TEX14: variants seen among roughly 807,000 people sequenced by gnomAD.
TEX14 encodes the protein inactive serine/threonine-protein kinase TEX14.
TEX14 carries 168 observed loss-of-function variants against 178.6 expected under a neutral mutation model. The observed-to-expected ratio is 0.94, with a 90% CI of 0.83 to 1.07. The LOEUF (loss-of-function observed/expected upper bound fraction) is 1.07. Ranked by LOEUF, TEX14 falls within the 50% of genes least tolerant of loss-of-function variation. The pLI is 0.00. For missense variants in TEX14, 1,730 were observed against 1,753.6 expected (o/e 0.99, Z 0.24); for synonymous variants, 626 against 634.1 (o/e 0.99, Z 0.19).
intron 28 of TEX14, among the ~76,000 whole-genome samples, chr17:58,563,658 TAGAGAGAGAGAG>T (rs1180956521): frequency 9.2e-4 from 16 of 17,468 alleles, no homozygotes; most frequent in Admixed American, 3.0e-3. Flanking sequence ...TATATATATA[TAGAGAGAGAGAG>T]AGAGAGAGAG....
chr17:58,663,462 G>C (rs1289700460), intron 1 of TEX14, among the ~76,000 whole-genome samples: 1 of 149,520 alleles, frequency 6.7e-6, no homozygotes, highest in East Asian at 2.0e-4. Context: ...CAATGTAACT[G>C]AATCTAAATT....
intron 1 of TEX14, among the ~76,000 whole-genome samples, chr17:58,677,245 A>C (rs2047410714): frequency 6.6e-6 from 1 of 152,114 alleles, no homozygotes. Flanking sequence ...ATTGAGCACC[A>C]CTGTACTCCA....
At chr17:58,658,581 G>A (rs1320375716) in intron 1 of TEX14, among the ~76,000 whole-genome samples, 1 of 151,844 alleles carries the variant, frequency 6.6e-6, no homozygotes, top group Admixed American at 6.6e-5. Context: ...AGTAGAGACA[G>A]GGTTTCATCA....
At chr17:58,598,270 C>T (rs527620983) in intron 14 of TEX14, among the ~76,000 whole-genome samples, 21 of 150,158 alleles carry the variant, frequency 1.4e-4, no homozygotes, top group African/African-American at 4.4e-4. Context: ...GCCAAGATCA[C>T]GCCACTGCAC....
intron 2 of TEX14, among the ~76,000 whole-genome samples, chr17:58,634,671 A>G (rs943427717): frequency 2.6e-5 from 4 of 152,172 alleles, no homozygotes; most frequent in Non-Finnish European, 4.4e-5. Flanking sequence ...GAGAACAGTA[A>G]AAGGACAATT....
intron 5 of TEX14, among the ~76,000 whole-genome samples, chr17:58,619,503 G>A (rs537973175): frequency 5.3e-5 from 8 of 152,120 alleles, no homozygotes; most frequent in African/African-American, 1.7e-4. Flanking sequence ...AATTTGTGTG[G>A]TTTTTTACAT....
At chr17:58,628,795 G>A (rs1239192280) in intron 3 of TEX14, among the ~76,000 whole-genome samples, 3 of 151,722 alleles carry the variant, frequency 2.0e-5, no homozygotes, top group Admixed American at 6.6e-5. Flanking sequence ...TGAGGCAGAA[G>A]AATCACTTGA....
At chr17:58,634,543 C>T (rs1734235918) in intron 2 of TEX14, among the ~76,000 whole-genome samples, 1 of 152,166 alleles carries the variant, frequency 6.6e-6, no homozygotes, top group South Asian at 2.1e-4. Flanking sequence ...ATGTCCTCTA[C>T]CAGACTGTCT....
intron 6 of TEX14, among the ~76,000 whole-genome samples, chr17:58,617,293 T>A (rs1179244707): frequency 2.6e-5 from 4 of 152,186 alleles, no homozygotes; most frequent in Non-Finnish European, 5.9e-5. Flanking sequence ...AATTAATTAA[T>A]GAAAAGATCA....
chr17:58,643,259 C>T (rs1196231729), intron 2 of TEX14, among the ~76,000 whole-genome samples: 2 of 152,260 alleles, frequency 1.3e-5, no homozygotes, highest in South Asian at 2.1e-4. Flanking sequence ...GGTTCCTGGT[C>T]TTTTCTTGCC....
At chr17:58,679,431 A>G (rs2047454066) in intron 1 of TEX14, 1 of 140,232 alleles carries the variant, frequency 7.1e-6, no homozygotes, top group Non-Finnish European at 1.7e-5. Flanking sequence ...AGAAGGCATC[A>G]ATCTCTCGCT....
intron 1 of TEX14, 113 bp from the exon 2 acceptor site, chr17:58,652,115 TTA>T: frequency 1.3e-6 from 1 of 759,256 alleles, no homozygotes; most frequent in Non-Finnish European, 2.0e-6. Context: ...ATAATGAAGA[TTA>T]GGGGAATAAT....
intron 8 of TEX14, among the ~76,000 whole-genome samples, chr17:58,613,970 T>G (rs567595311): frequency 1.3e-5 from 2 of 152,212 alleles, no homozygotes; most frequent in East Asian, 3.9e-4. Flanking sequence ...CGTGGCCTTT[T>G]GTATACAATG....
intron 1 of TEX14, among the ~76,000 whole-genome samples, chr17:58,657,585 G>A: frequency 7.2e-6 from 1 of 139,826 alleles, no homozygotes; most frequent in African/African-American, 2.7e-5. Flanking sequence ...TGGAATCTCG[G>A]CTCACTGCAG....
chr17:58,656,735 C>T (rs1288909997), intron 1 of TEX14, among the ~76,000 whole-genome samples: 1 of 143,174 alleles, frequency 7.0e-6, no homozygotes, highest in Non-Finnish European at 1.5e-5. Context: ...GCCTAGGCAA[C>T]ACAGGGACTC....
chr17:58,621,889 C>A, intron 4 of TEX14, 103 bp from the exon 5 acceptor site: 4 of 1,311,800 alleles, frequency 3.0e-6, no homozygotes, highest in Non-Finnish European at 4.1e-6. Context: ...GAGCCCCCAA[C>A]AGAAAAACCT....
intron 19 of TEX14, among the ~76,000 whole-genome samples, chr17:58,583,077 C>A (rs1298491836): frequency 2.0e-5 from 3 of 150,606 alleles, no homozygotes; most frequent in Non-Finnish European, 4.4e-5. Context: ...CTCAAGCGAT[C>A]CTCCTGCCTC....
chr17:58,629,742 G>A (rs2046237259), intron 3 of TEX14, among the ~76,000 whole-genome samples: 1 of 151,234 alleles, frequency 6.6e-6, no homozygotes, highest in African/African-American at 2.4e-5. Flanking sequence ...GGCTGAGGCA[G>A]GAGAATGGCG....
At chr17:58,628,307 G>C (rs901858234) in intron 3 of TEX14, among the ~76,000 whole-genome samples, 2 of 152,028 alleles carry the variant, frequency 1.3e-5, no homozygotes, top group Non-Finnish European at 2.9e-5. Context: ...TGCTCGGCAC[G>C]GTGGCTCACA....
Sources: allele counts gnomAD v4.1 joint callset (sites outside exome capture counted in the v4.1 genomes callset), GRCh38; gene constraint gnomAD v4.1.1; transcripts MANE v1.5; gene names NCBI Gene and HGNC (gene_info 2026-07-23, HGNC 2026-07-21).